MECOM: variants seen among roughly 807,000 people sequenced by gnomAD.
MECOM encodes the protein MDS1 and EVI1 complex locus, also known as histone-lysine N-methyltransferase MECOM.
In MECOM, 13 loss-of-function variants were observed where a neutral mutation model predicts 116.3. The ratio of observed to expected loss-of-function variants is 0.11; its 90% CI spans 0.07 to 0.18. MECOM has a LOEUF of 0.18. Among genes scored for constraint, MECOM ranks in the 10% least tolerant of loss-of-function variants. The pLI is 1.00. For missense variants in MECOM, 1,299 were observed against 1,509.0 expected, an observed-to-expected ratio of 0.86 and a Z score of 2.31; for synonymous variants, 528 against 535.2, an observed-to-expected ratio of 0.99 and a Z score of 0.19.
chr3:169,587,281 CTGTCACCAAATAT>C (rs1765880421), intron 1 of MECOM, among the ~76,000 whole-genome samples: 1 of 152,164 alleles, frequency 6.6e-6, no homozygotes, highest in South Asian at 2.1e-4. Flanking sequence ...AAGCCTGGAG[CTGTCACCAAATAT>C]TTCTGATAAT....
chr3:169,596,406 T>G (rs1767147730), intron 1 of MECOM, among the ~76,000 whole-genome samples: 1 of 152,200 alleles, frequency 6.6e-6, no homozygotes, highest in Admixed American at 6.5e-5. Context: ...GAAAGTACAT[T>G]ATTAATTGAA....
At chr3:169,458,827 G>A (rs1286701290) in intron 1 of MECOM, among the ~76,000 whole-genome samples, 4 of 152,180 alleles carry the variant, frequency 2.6e-5, no homozygotes, top group Non-Finnish European at 4.4e-5. Flanking sequence ...CCAGCAGGGC[G>A]ATTAGGAAGT....
At chr3:169,588,429 A>G (rs1056530616) in intron 1 of MECOM, among the ~76,000 whole-genome samples, 2 of 152,166 alleles carry the variant, frequency 1.3e-5, no homozygotes, top group African/African-American at 4.8e-5. Flanking sequence ...AATTCGTCCC[A>G]TTAAAAGTTC....
intron 2 of MECOM, among the ~76,000 whole-genome samples, chr3:169,178,561 A>C (rs1351948673): frequency 6.6e-6 from 1 of 152,166 alleles, no homozygotes; most frequent in African/African-American, 2.4e-5. Flanking sequence ...CTGGCCATCT[A>C]TTTAGTGCAA....
chr3:169,185,216 G>C (rs1746543641), intron 2 of MECOM, among the ~76,000 whole-genome samples: 2 of 152,150 alleles, frequency 1.3e-5, no homozygotes, highest in South Asian at 4.1e-4. Flanking sequence ...GGAGAATCAA[G>C]GACAGGAAGA....
intron 2 of MECOM, among the ~76,000 whole-genome samples, chr3:169,226,772 C>T (rs1384603304): frequency 6.6e-6 from 1 of 152,186 alleles, no homozygotes; most frequent in Non-Finnish European, 1.5e-5. Flanking sequence ...ACATAAAGTG[C>T]TTATCAACTG....
chr3:169,216,245 T>C (rs1459661539), intron 2 of MECOM, among the ~76,000 whole-genome samples: 1 of 152,186 alleles, frequency 6.6e-6, no homozygotes, highest in Non-Finnish European at 1.5e-5. Flanking sequence ...AATAACCTTA[T>C]TTGGTTGCCA....
At chr3:169,346,827 T>C (rs1577800006) in intron 2 of MECOM, among the ~76,000 whole-genome samples, 1 of 152,078 alleles carries the variant, frequency 6.6e-6, no homozygotes, top group Admixed American at 6.6e-5. Flanking sequence ...AGTTCCATGG[T>C]TGGTTAGCAC....
chr3:169,226,331 T>C (rs1246828729), intron 2 of MECOM, among the ~76,000 whole-genome samples: 2 of 152,222 alleles, frequency 1.3e-5, no homozygotes, highest in East Asian at 1.9e-4. Context: ...ACAGGACCTA[T>C]AGTCCCTCAG....
chr3:169,378,550 G>A (rs1731792031), intron 2 of MECOM, among the ~76,000 whole-genome samples: 1 of 133,362 alleles, frequency 7.5e-6, no homozygotes, highest in Non-Finnish European at 1.6e-5. Flanking sequence ...AAGAAAGAAA[G>A]AAAGAAAGAA....
At chr3:169,450,614 A>G (rs1363690043) in intron 1 of MECOM, among the ~76,000 whole-genome samples, 1 of 152,104 alleles carries the variant, frequency 6.6e-6, no homozygotes, top group Non-Finnish European at 1.5e-5. Flanking sequence ...AAAAGAGGCC[A>G]GAGAAGACAG....
intron 1 of MECOM, among the ~76,000 whole-genome samples, chr3:169,456,865 A>AAT (rs988139784): frequency 3.9e-5 from 6 of 151,908 alleles, no homozygotes; most frequent in Non-Finnish European, 8.8e-5. Flanking sequence ...TAGGAGGAAG[A>AAT]ACACACACAT....
intron 5 of MECOM, among the ~76,000 whole-genome samples, chr3:169,126,877 T>C (rs372270811): frequency 6.6e-6 from 1 of 152,116 alleles, no homozygotes; most frequent in African/African-American, 2.4e-5. Context: ...GAAGTTGGAC[T>C]GTCAAAGACA....
At chr3:169,413,946 G>A (rs921750185) in intron 1 of MECOM, among the ~76,000 whole-genome samples, 3 of 152,178 alleles carry the variant, frequency 2.0e-5, no homozygotes, top group Admixed American at 6.5e-5. Flanking sequence ...GGGAAGGGGC[G>A]ACTGTAAGTG....
intron 1 of MECOM, among the ~76,000 whole-genome samples, chr3:169,428,872 AG>A (rs1741150020): frequency 6.6e-6 from 1 of 152,132 alleles, no homozygotes; most frequent in Non-Finnish European, 1.5e-5. Flanking sequence ...TCTCTGTGCT[AG>A]GCACTGGGAA....
chr3:169,620,256 A>G lies in MECOM; in HGVS notation c.37+43080T>C, dbSNP rs574247138. Reference sequence around the variant, plus strand: ...TTCCATTGCAACCCTCTGGCTTCCAATGCCCATAATGCCATATTAGGCAAA... The same window carrying G: ...TTCCATTGCAACCCTCTGGCTTCCAGTGCCCATAATGCCATATTAGGCAAA... On this transcript the variant is annotated intron_variant, in intron 1 of 16. Transcript: ENST00000651503. Among the ~76,000 whole-genome samples, 159 of 152,292 alleles carry G rather than the reference A, an allele frequency of 1.0e-3. 1 individual carries two copies. Among genetic ancestry groups the G allele is most frequent in the African/African-American group, 3.7e-3 (153 of 41,540 alleles).
intron 2 of MECOM, among the ~76,000 whole-genome samples, chr3:169,208,611 G>A (rs1161756807): frequency 1.3e-5 from 2 of 151,790 alleles, no homozygotes; most frequent in Non-Finnish European, 2.9e-5. Context: ...TTAAAGTAAG[G>A]ATCAAAATAT....
At chr3:169,331,514 G>T (rs1722716625) in intron 2 of MECOM, among the ~76,000 whole-genome samples, 1 of 152,096 alleles carries the variant, frequency 6.6e-6, no homozygotes, top group Non-Finnish European at 1.5e-5. Context: ...TATATCTACA[G>T]AAATAACTTA....
chr3:169,089,431 A>T (rs1718952329), intron 15 of MECOM, among the ~76,000 whole-genome samples: 1 of 152,176 alleles, frequency 6.6e-6, no homozygotes, highest in African/African-American at 2.4e-5. Context: ...AGTCAGTGAC[A>T]CATTAGTCAG....
Sources: allele counts gnomAD v4.1 joint callset (sites outside exome capture counted in the v4.1 genomes callset), GRCh38; gene constraint gnomAD v4.1.1; transcripts MANE v1.5; gene names NCBI Gene and HGNC (gene_info 2026-07-23, HGNC 2026-07-21).